The following ILDR1 variants were observed in gnomAD, a reference collection of about 807,000 sequenced individuals.
ILDR1 encodes immunoglobulin-like domain-containing receptor 1.
A neutral mutation model predicts 62.4 loss-of-function variants in ILDR1; 56 were observed. The observed-to-expected ratio is 0.90, with a 90% CI of 0.72 to 1.12. The LOEUF is 1.12. ILDR1 is among the 50% of genes most tolerant of loss of function. ILDR1 has a pLI of 0.00. For synonymous variants in ILDR1, 284 were observed against 277.8 expected, an observed-to-expected ratio of 1.02 and a Z score of -0.22; for missense variants, 736 against 710.6, an observed-to-expected ratio of 1.04 and a Z score of -0.41.
chr3:122,012,789 C>A (rs901329646), intron 1 of ILDR1, among the ~76,000 whole-genome samples: 1 of 152,168 alleles, frequency 6.6e-6, no homozygotes, highest in Non-Finnish European at 1.5e-5. Flanking sequence ...TCCACTGAGA[C>A]TAGCATGTAA....
chr3:122,001,271 A>T lies in ILDR1; in HGVS notation c.646+37T>A, dbSNP rs199599600. On this transcript the variant is annotated intron_variant, in intron 5 of 7. Transcript: ENST00000344209. ...GATCTGCTTGACGTCCTGGTCCCTAATCCACTCCATTCCACTGCTTGTCTG... is the reference window on the plus strand; with the variant it reads ...GATCTGCTTGACGTCCTGGTCCCTATTCCACTCCATTCCACTGCTTGTCTG... The T allele has an allele frequency of 8.1e-5, 130 of 1,613,178 alleles. 1 individual carries two copies. The East Asian group carries it at 2.7e-3, about 33-fold the overall frequency.
At chr3:121,991,204 GA>G (rs11352954) in intron 7 of ILDR1, among the ~76,000 whole-genome samples, 4,898 of 146,086 alleles carry the variant, frequency 0.034, 258 homozygotes, top group African/African-American at 0.12. Flanking sequence ...GTCTCAAAAA[GA>G]AAAAAAAAAG....
At chr3:122,040,041 T>C in the ILDR1 span, among the ~76,000 whole-genome samples, 1 of 151,974 alleles carries the variant, frequency 6.6e-6, no homozygotes, top group Non-Finnish European at 1.5e-5. Context: ...TTATAAGATA[T>C]TTTAAATCTA....
chr3:121,993,361 C>A lies in ILDR1; in HGVS notation c.1388G>T (p.Arg463Leu), dbSNP rs199571441. 1.9e-6 allele frequency: 3 copies of A among 1,609,746 alleles called. 1 individual carries two copies. The South Asian group carries it at 3.3e-5, about 18-fold the overall frequency. The change falls in exon 7 of 8, where the codon CGC becomes CTC. Residue 463 changes from arginine to leucine, a missense_variant. Arg to Leu is a moderately radical substitution (Grantham distance 102). Transcript: ENST00000344209. The stretch of plus-strand genomic sequence containing the variant: ...GGGAGGAGAGTAGCTGCGGTGCCTG[C>A]GTCGTCTCCCGTGCCTCTGAGTGCT... ...RESTQRHGRRRRHRSYSPPLP... is the reference protein window; with the variant it reads ...RESTQRHGRRLRHRSYSPPLP...
the ILDR1 span, among the ~76,000 whole-genome samples, chr3:122,038,566 C>T: frequency 1.3e-5 from 2 of 152,082 alleles, no homozygotes; most frequent in Non-Finnish European, 2.9e-5. Context: ...CTATCTTATA[C>T]AACACGTCTA....
upstream of ILDR1, among the ~76,000 whole-genome samples, chr3:122,022,521 T>C (rs138490932): frequency 3.3e-5 from 5 of 152,360 alleles, no homozygotes; most frequent in East Asian, 7.7e-4. Context: ...TCCTGCGTTA[T>C]ATTTCCATTC....
intron 7 of ILDR1, among the ~76,000 whole-genome samples, chr3:121,989,557 AG>A (rs2071308026): frequency 6.6e-6 from 1 of 152,226 alleles, no homozygotes; most frequent in Admixed American, 6.5e-5. Context: ...TCTTAGGACA[AG>A]ATTAGAAGGA....
chr3:122,039,631 T>C, the ILDR1 span, among the ~76,000 whole-genome samples: 5 of 151,968 alleles, frequency 3.3e-5, no homozygotes, highest in African/African-American at 1.2e-4. Flanking sequence ...CAAGAAATTT[T>C]AAAAGAAAAA....
chr3:121,993,144 GCTCACCGAGCGC>G lies in ILDR1; in HGVS notation c.1593_1599+5del. 1 of 1,572,322 alleles carries G rather than the reference GCTCACCGAGCGC, an allele frequency of 6.4e-7. No individual in the cohort carries two copies. Among genetic ancestry groups the G allele is most frequent in the Non-Finnish European group, 8.6e-7 (1 of 1,157,388 alleles). On this transcript the variant is annotated splice_donor_variant and splice_donor_5th_base_variant and coding_sequence_variant and intron_variant, in exon 7 of 8. Coordinates refer to ENST00000344209, the MANE Select transcript of ILDR1 (RefSeq NM_001199799.2). LOFTEE classifies it high-confidence loss of function. Reference sequence around the variant, plus strand: ...CCCAACCCTCAGCAGGATGCCCCAGGCTCACCGAGCGCCTCTCCACACTCCCTTTTTTCCTGC... The same window carrying G: ...CCCAACCCTCAGCAGGATGCCCCAGGCTCTCCACACTCCCTTTTTTCCTGC...
At chr3:122,022,294 C>A, upstream of ILDR1, 1 of 444,100 alleles carries the variant, frequency 2.3e-6, no homozygotes, top group Non-Finnish European at 4.0e-6. Context: ...CCTCCCGCCC[C>A]GCGCGCCGCC....
In ILDR1 at chr3:121,993,447, C is replaced by G. The variant is rs138277824; in HGVS notation, c.1302G>C (p.Pro434=). The change falls in exon 7 of 8, where the codon CCG becomes CCC. Residue 434 remains proline (P), a synonymous_variant. Coordinates refer to ENST00000344209, the MANE Select transcript of ILDR1 (RefSeq NM_001199799.2). ...AGCGGCTCCTGAAAGGAGGGTGGCT[C>G]GGCCGCCAGCGTGCCTCACTGGATG... ...VPSSSEARWR[P]SHPPFRSRCQ... 4.3e-6 allele frequency: 7 copies of G among 1,613,900 alleles called. No homozygotes were observed. The highest frequency in any genetic ancestry group is 1.7e-5 in the Admixed American group (1 of 60,002).
chr3:122,038,822 A>T, the ILDR1 span, among the ~76,000 whole-genome samples: 1 of 152,228 alleles, frequency 6.6e-6, no homozygotes, highest in Non-Finnish European at 1.5e-5. Flanking sequence ...GAAATGCTAG[A>T]TATAAAAAAT....
At chr3:122,040,681 C>A in the ILDR1 span, among the ~76,000 whole-genome samples, 16 of 133,956 alleles carry the variant, frequency 1.2e-4, no homozygotes, top group African/African-American at 3.2e-4. Context: ...AAGAAGATAT[C>A]ATTTTCAACA....
chr3:122,005,268 G>GTAC lies in ILDR1; in HGVS notation c.354_355insGTA (p.Arg118_Gln119insVal). On this transcript the variant is annotated inframe_insertion, in exon 3 of 8. Coordinates refer to ENST00000344209, the MANE Select transcript of ILDR1 (RefSeq NM_001199799.2). ...CGGTTCTGGATGGTGATCTTGCGCT[G>GTAC]CCGGTAATCTACCCCCAGCACGGGC... 6.2e-7 allele frequency: 1 copy of GTAC among 1,610,602 alleles called. No individual in the cohort carries two copies. Among genetic ancestry groups the GTAC allele is most frequent in the Non-Finnish European group, 8.5e-7 (1 of 1,179,174 alleles).
chr3:122,005,202 T>TACCCCCC, intron 3 of ILDR1, 42 bp downstream of exon 3: 1 of 1,216,410 alleles, frequency 8.2e-7, no homozygotes, highest in Non-Finnish European at 1.2e-6. Flanking sequence ...TGTCTGCACC[T>TACCCCCC]CCCCCCACCC....
chr3:122,033,174 A>C, the ILDR1 span, among the ~76,000 whole-genome samples: 2 of 152,146 alleles, frequency 1.3e-5, no homozygotes, highest in African/African-American at 2.4e-5. Flanking sequence ...AGTCTTTTCA[A>C]TTATAGCTCT....
intron 1 of ILDR1, among the ~76,000 whole-genome samples, chr3:122,015,229 A>G (rs2071760624): frequency 1.3e-5 from 2 of 152,230 alleles, no homozygotes; most frequent in South Asian, 2.1e-4. Context: ...TGCTCCTGAT[A>G]GTTCTTCTTG....
intron 5 of ILDR1, among the ~76,000 whole-genome samples, chr3:121,999,252 G>T (rs2071482042): frequency 6.6e-6 from 1 of 151,868 alleles, no homozygotes; most frequent in Non-Finnish European, 1.5e-5. Context: ...GTTATCTCTG[G>T]GTACTCAGAT....
chr3:122,027,781 G>A, the ILDR1 span, among the ~76,000 whole-genome samples: 1 of 152,180 alleles, frequency 6.6e-6, no homozygotes, highest in South Asian at 2.1e-4. Context: ...AATCTAGGAA[G>A]TAAACTGTTT....
Sources: gnomAD v4.1 joint callset for allele counts (sites outside exome capture counted in the v4.1 genomes callset) on GRCh38, gnomAD v4.1.1 for gene constraint, MANE v1.5 for transcripts, NCBI Gene and HGNC (gene_info 2026-07-23, HGNC 2026-07-21) for gene names.